The following CACNA1H variants were observed in gnomAD, a reference collection of about 807,000 sequenced individuals.
The protein encoded by CACNA1H is calcium voltage-gated channel subunit alpha1 H, also known as voltage-dependent T-type calcium channel subunit alpha-1H.
In CACNA1H, 149 loss-of-function variants were observed where a neutral mutation model predicts 192.5. The observed-to-expected ratio is 0.77, with a 90% CI of 0.68 to 0.89. CACNA1H has a LOEUF of 0.89. Ranked by LOEUF, CACNA1H falls within the 40% of genes least tolerant of loss-of-function variation. The pLI is 0.00. For synonymous variants in CACNA1H, 2,202 were observed against 1,475.2 expected (o/e 1.49, Z -11.29); for missense variants, 4,257 against 3,423.5 (o/e 1.24, Z -6.08).
chr16:1,220,171 C>T lies in CACNA1H; in HGVS notation c.6239C>T (p.Ser2080Phe), dbSNP rs1970368825. ...CATACCTTCGGACAGCGCTGCGTCT[C>T]CAGCCGGCCGGCGGCCCCAGGCGGA... Reference protein sequence around the residue: ...RKHTFGQRCVSSRPAAPGGEE... With the variant: ...RKHTFGQRCVFSRPAAPGGEE... The change falls in exon 35 of 35, where the codon TCC becomes TTC. Residue 2080 changes from serine (S) to phenylalanine (F), a missense_variant. Ser to Phe is a radical substitution (Grantham distance 155). Transcript: ENST00000348261. 1.3e-6 allele frequency: 2 copies of T among 1,520,946 alleles called. No homozygotes were observed. The highest frequency in any genetic ancestry group is 4.2e-5 in the Admixed American group (2 of 47,362). 94.2% of individuals were successfully genotyped at this position (1,520,946 alleles called of 1,614,324 possible). A position where few individuals can be genotyped will look rare whatever the true frequency, so the allele number is the denominator to read the frequency against.
chr16:1,156,411 T>C (rs948370849), intron 2 of CACNA1H, among the ~76,000 whole-genome samples: 7 of 152,076 alleles, frequency 4.6e-5, no homozygotes, highest in African/African-American at 1.7e-4. Flanking sequence ...GAACCTAAAA[T>C]AAGCTGGCAG....
At chr16:1,193,872 G>A (rs897822624) in intron 2 of CACNA1H, among the ~76,000 whole-genome samples, 9 of 152,146 alleles carry the variant, frequency 5.9e-5, no homozygotes, top group Middle Eastern at 3.4e-3. Context: ...GAAGGCCCTC[G>A]TCACCAAGCC....
In CACNA1H at chr16:1,211,516, C is replaced by T. The variant is rs142856193; in HGVS notation, c.4386C>T (p.Pro1462=). 7.0e-4 allele frequency: 1,132 copies of T among 1,612,444 alleles called. 2 individuals carry two copies. Among genetic ancestry groups the T allele is most frequent in the Non-Finnish European group, 7.8e-4 (924 of 1,179,706 alleles). The stretch of plus-strand genomic sequence containing the variant: ...GGAAGTTCTACTACTGCGAGGGCCC[C>T]GACACCAGGAACATCTCCACCAAGG... ...FKGKFYYCEG[P]DTRNISTKAQ... The change falls in exon 23 of 35, where the codon CCC becomes CCT. Residue 1462 remains proline (P), a synonymous_variant. Coordinates refer to ENST00000348261, the MANE Select transcript of CACNA1H (RefSeq NM_021098.3).
At position 1,220,929 on chromosome 16, in the gene CACNA1H, C is replaced by T. The variant is rs1413803676; in HGVS notation, c.6997C>T (p.Leu2333=). Residue 2333 remains leucine, a synonymous_variant, in exon 35 of 35, where the codon CTG becomes TTG. Coordinates refer to ENST00000348261, the MANE Select transcript of CACNA1H (RefSeq NM_021098.3). ...GLYLTVPQCP[L]EKPGSPSATP... ...GTACCTCACAGTCCCCCAGTGTCCTCTGGAGAAACCAGGGTCCCCCTCAGC... is the reference window on the plus strand; with the variant it reads ...GTACCTCACAGTCCCCCAGTGTCCTTTGGAGAAACCAGGGTCCCCCTCAGC... The T allele has an allele frequency of 2.5e-6, 4 of 1,609,466 alleles. No individual in the cohort carries two copies. The highest frequency in any genetic ancestry group is 1.3e-5 in the African/African-American group (1 of 74,688).
intron 2 of CACNA1H, among the ~76,000 whole-genome samples, chr16:1,173,185 A>G (rs1442362947): frequency 6.6e-6 from 1 of 152,074 alleles, no homozygotes; most frequent in East Asian, 1.9e-4. Flanking sequence ...AGGTGTCCAA[A>G]AGGCCGAGGC....
At chr16:1,190,579 G>T (rs899911960) in intron 2 of CACNA1H, among the ~76,000 whole-genome samples, 1 of 152,370 alleles carries the variant, frequency 6.6e-6, no homozygotes, top group East Asian at 1.9e-4. Flanking sequence ...TGGTGGCTGG[G>T]GTGTGACCCG....
intron 18 of CACNA1H, 28 bp from the exon 19 acceptor site, chr16:1,210,342 C>CCCCCCCAA: frequency 2.0e-6 from 2 of 999,078 alleles, no homozygotes; most frequent in Non-Finnish European, 3.0e-6. Context: ...CGCCCCGCCC[C>CCCCCCCAA]ACCTCTCACC....
At chr16:1,168,911 GC>G (rs1214027013) in intron 2 of CACNA1H, among the ~76,000 whole-genome samples, 1 of 152,066 alleles carries the variant, frequency 6.6e-6, no homozygotes, top group East Asian at 1.9e-4. Flanking sequence ...AAGTACCCTG[GC>G]CTGTGAGCCT....
At chr16:1,157,361 G>A (rs565416371) in intron 2 of CACNA1H, among the ~76,000 whole-genome samples, 10 of 152,346 alleles carry the variant, frequency 6.6e-5, no homozygotes, top group African/African-American at 9.6e-5. Context: ...CAAGGTCATC[G>A]GGATGCTGAA....
In CACNA1H at chr16:1,202,428, A is replaced by T. The variant is rs1375770579; in HGVS notation, c.1978A>T (p.Ile660Phe). The part of the protein sequence containing the change: ...SLNSPDPYEK[I>F]PHVVGEHGLG... ...GAACAGCCCTGATCCCTACGAGAAG[A>T]TCCCGCATGTGGTCGGGGAGCATGG... is the stretch of plus-strand genomic sequence containing the variant. The change falls in exon 9 of 35, where the codon ATC becomes TTC. Residue 660 changes from isoleucine (I) to phenylalanine (F), a missense_variant. Coordinates refer to ENST00000348261, the MANE Select transcript of CACNA1H (RefSeq NM_021098.3). The T allele has an allele frequency of 7.9e-6, 12 of 1,509,468 alleles. No individual in the cohort carries two copies. Among genetic ancestry groups the T allele is most frequent in the Non-Finnish European group, 1.1e-5 (12 of 1,124,400 alleles). The allele number at this position is 1,509,468 out of a possible 1,614,324, so 93.5% of individuals were successfully genotyped here.
intron 2 of CACNA1H, chr16:1,158,113 T>A (rs1413086361): frequency 1.3e-5 from 2 of 152,294 alleles, no homozygotes; most frequent in Non-Finnish European, 2.9e-5. Context: ...CAGGTGTGGG[T>A]TCCCACTGAG....
intron 9 of CACNA1H, among the ~76,000 whole-genome samples, chr16:1,203,557 C>G (rs1002347064): frequency 1.3e-5 from 2 of 152,106 alleles, no homozygotes; most frequent in African/African-American, 4.8e-5. Flanking sequence ...CTGCTGTACC[C>G]ACGAACTAGT....
At position 1,220,525 on chromosome 16, in the gene CACNA1H, C is replaced by T. The variant is rs776473889; in HGVS notation, c.6593C>T (p.Ala2198Val). 5.2e-6 allele frequency: 8 copies of T among 1,536,860 alleles called. No individual in the cohort carries two copies. In the African/African-American group the frequency reaches 5.6e-5, roughly 11 times the overall value. The part of the protein sequence containing the change: ...SPPCISVEPP[A>V]EDEGSARPSA... ...CCCTGCATCTCGGTGGAACCCCCTG[C>T]GGAGGACGAGGGCTCTGCGCGGCCC... The change falls in exon 35 of 35, where the codon GCG becomes GTG. Residue 2198 changes from alanine to valine, a missense_variant. Transcript: ENST00000348261.
At chr16:1,189,024 T>C (rs1205244308) in intron 2 of CACNA1H, among the ~76,000 whole-genome samples, 25 of 152,186 alleles carry the variant, frequency 1.6e-4, no homozygotes, top group Non-Finnish European at 2.1e-4. Context: ...CTGTGGACCT[T>C]GGTGTGAGCC....
In CACNA1H at chr16:1,195,127, C is replaced by G. The variant is rs556719810; in HGVS notation, c.411+44C>G. On this transcript the variant is annotated intron_variant, in intron 3 of 34. Transcript: ENST00000348261. ...GGTGGGGAAGGAGCGTGGGTCGCTACGAGGTTTATGGTTCAAGGCGGAGTG... is the reference window on the plus strand; with the variant it reads ...GGTGGGGAAGGAGCGTGGGTCGCTAGGAGGTTTATGGTTCAAGGCGGAGTG... 5 of 521,314 alleles carry G rather than the reference C, an allele frequency of 9.6e-6. No homozygotes were observed. In the East Asian group the frequency reaches 2.3e-4, roughly 24 times the overall value. 32.3% of individuals were successfully genotyped at this position (521,314 alleles called of 1,614,324 possible).
At position 1,221,654 on chromosome 16, in the gene CACNA1H, G is replaced by T; in HGVS notation, c.*660G>T. On this transcript the variant is annotated 3_prime_UTR_variant, in exon 35 of 35. Transcript: ENST00000348261. ...CCGCGAGATTCCCATTGACACCTTT[G>T]TTTCGTGTGCTTTTAAATTCAGGTT... 1 of 1,012,152 alleles carries T rather than the reference G, an allele frequency of 9.9e-7. No homozygotes were observed. The highest frequency in any genetic ancestry group is 1.4e-6 in the Non-Finnish European group (1 of 707,908). The allele number at this position is 1,012,152 out of a possible 1,614,324, so 62.7% of individuals were successfully genotyped here. A position where few individuals can be genotyped will look rare whatever the true frequency, so the allele number is the denominator to read the frequency against.
rs1179774948 is a variant in CACNA1H, at chr16:1,220,218, C to A, written c.6286C>A (p.Pro2096Thr). Residue 2096 changes from proline to threonine, a missense_variant, in exon 35 of 35, where the codon CCA becomes ACA. Physicochemically the swap from Pro to Thr is conservative, Grantham distance 38. Coordinates refer to ENST00000348261, the MANE Select transcript of CACNA1H (RefSeq NM_021098.3). ...CGGAGAGGAGGCCGAGGCCTCGGAC[C>A]CAGCCGACGAGGAGGTCAGCCACAT... ...PGGEEAEASD[P>T]ADEEVSHITS... The A allele has an allele frequency of 1.9e-6, 3 of 1,575,014 alleles. 1 individual carries two copies. Among genetic ancestry groups the A allele is most frequent in the Non-Finnish European group, 2.6e-6 (3 of 1,165,352 alleles).
At chr16:1,203,123 G>A (rs1276789281) in intron 9 of CACNA1H, among the ~76,000 whole-genome samples, 2 of 152,160 alleles carry the variant, frequency 1.3e-5, no homozygotes, top group African/African-American at 2.4e-5. Context: ...AGGGTGCCGG[G>A]ATGCTGTGTG....
chr16:1,211,115 G>A (rs1354881893), intron 21 of CACNA1H, 53 bp from the exon 22 acceptor site: 8 of 1,595,844 alleles, frequency 5.0e-6, no homozygotes, highest in South Asian at 2.2e-5. Context: ...CTCTGCCGGC[G>A]CCTGGCAGCT....
Sources: allele counts gnomAD v4.1 joint callset (sites outside exome capture counted in the v4.1 genomes callset), GRCh38; gene constraint gnomAD v4.1.1; transcripts MANE v1.5; gene names NCBI Gene and HGNC (gene_info 2026-07-23, HGNC 2026-07-21).